The following DMTF1 variants were observed in gnomAD, a reference collection of about 807,000 sequenced individuals.
DMTF1 encodes cyclin-D-binding Myb-like transcription factor 1.
Under a neutral mutation model 91.1 loss-of-function variants are expected in DMTF1, and 39 were observed. That is an observed-to-expected ratio of 0.43 (90% confidence interval 0.33 to 0.56). The LOEUF (loss-of-function observed/expected upper bound fraction) is 0.56, where lower values mean the gene tolerates loss of function less well. DMTF1 is among the 20% of genes least tolerant of loss of function. The pLI, the probability that DMTF1 is intolerant of heterozygous loss-of-function variation, is 0.05. For missense variants in DMTF1, 750 were observed against 914.5 expected, an observed-to-expected ratio of 0.82 and a Z score of 2.32; for synonymous variants, 338 against 309.5, an observed-to-expected ratio of 1.09 and a Z score of -0.97.
At chr7:87,186,440 G>C (rs566660037) in intron 12 of DMTF1, 1 of 154,354 alleles carries the variant, frequency 6.5e-6, no homozygotes, top group Non-Finnish European at 1.4e-5. Context: ...GTAGAGATGA[G>C]GTCTTGCCAT....
chr7:87,185,065 A>C, intron 11 of DMTF1: 1 of 330,104 alleles, frequency 3.0e-6, no homozygotes, highest in South Asian at 2.5e-5. Flanking sequence ...AGTTACCTCC[A>C]CACCTCCAAA....
intron 8 of DMTF1, among the ~76,000 whole-genome samples, chr7:87,180,074 CTT>C (rs781559725): frequency 3.9e-5 from 6 of 151,956 alleles, no homozygotes; most frequent in African/African-American, 1.2e-4. Context: ...GGTCAGTGGC[CTT>C]TTTTTAAATC....
chr7:87,179,632 C>T lies in DMTF1; in HGVS notation c.607C>T (p.Leu203=), dbSNP rs761696960. The change falls in exon 8 of 18, where the codon CTG becomes TTG. Residue 203 remains leucine (L), a synonymous_variant. Coordinates refer to ENST00000331242, the MANE Select transcript of DMTF1 (RefSeq NM_001142327.2). ...TTTCTACAGGACTATAGCATGGGGT[C>T]TGAACCGGCCTTTGTTTGCAGTTTA... ...KDFYRTIAWG[L]NRPLFAVYRR... The T allele has an allele frequency of 1.9e-6, 3 of 1,581,930 alleles. No homozygotes were observed. The highest frequency in any genetic ancestry group is 2.6e-6 in the Non-Finnish European group (3 of 1,168,990).
intron 1 of DMTF1, among the ~76,000 whole-genome samples, chr7:87,158,292 A>G (rs1324570889): frequency 6.6e-6 from 1 of 152,118 alleles, no homozygotes; most frequent in African/African-American, 2.4e-5. Context: ...GATTAAAATA[A>G]TTCTAAAAGG....
intron 3 of DMTF1, 112 bp from the exon 4 acceptor site, chr7:87,166,371 C>A: frequency 9.0e-7 from 1 of 1,108,694 alleles, no homozygotes; most frequent in Admixed American, 2.7e-5. Flanking sequence ...GTTAAATGAG[C>A]AAATTGGTAA....
At chr7:87,155,369 A>T (rs1381088008) in intron 1 of DMTF1, 1 of 151,606 alleles carries the variant, frequency 6.6e-6, no homozygotes, top group Non-Finnish European at 1.5e-5. Context: ...TTAATAGTCC[A>T]TTTTTTTTCT....
At chr7:87,160,549 C>T (rs1792051476) in intron 1 of DMTF1, among the ~76,000 whole-genome samples, 1 of 151,648 alleles carries the variant, frequency 6.6e-6, no homozygotes, top group Non-Finnish European at 1.5e-5. Flanking sequence ...TGCTGGGAGC[C>T]ACCCAAAATG....
chr7:87,193,407 T>C (rs1800359990), intron 15 of DMTF1, 54 bp downstream of exon 15: 1 of 1,588,526 alleles, frequency 6.3e-7, no homozygotes, highest in Non-Finnish European at 8.6e-7. Context: ...CCAGGATTAG[T>C]TGATAAGGAC....
chr7:87,178,219 G>A (rs1796640498), intron 7 of DMTF1, among the ~76,000 whole-genome samples: 2 of 152,010 alleles, frequency 1.3e-5, no homozygotes, highest in African/African-American at 2.4e-5. Flanking sequence ...TAATTTTGAC[G>A]CTGTGTGGGA....
At chr7:87,179,907 T>C (rs768717157) in intron 8 of DMTF1, among the ~76,000 whole-genome samples, 5 of 152,236 alleles carry the variant, frequency 3.3e-5, no homozygotes, top group African/African-American at 7.2e-5. Flanking sequence ...TTATATAGGT[T>C]AGATTTAAGA....
At chr7:87,159,154 C>T (rs1461220408) in intron 1 of DMTF1, among the ~76,000 whole-genome samples, 1 of 151,972 alleles carries the variant, frequency 6.6e-6, no homozygotes, top group East Asian at 1.9e-4. Context: ...ATGGAAATGT[C>T]AGTAAGGCAT....
intron 14 of DMTF1, 187 bp from the exon 15 acceptor site, chr7:87,193,011 G>A (rs925169404): frequency 1.7e-6 from 1 of 594,566 alleles, no homozygotes; most frequent in African/African-American, 1.9e-5. Context: ...ATACACAGGA[G>A]CAAAGAGCAG....
intron 13 of DMTF1, 45 bp from the exon 14 acceptor site, chr7:87,190,900 T>C (rs1465421074): frequency 6.7e-7 from 1 of 1,498,978 alleles, no homozygotes; most frequent in African/African-American, 1.4e-5. Flanking sequence ...ACAAAACATT[T>C]ATTGTAAATT....
chr7:87,159,225 TAAG>T (rs1045956129), intron 1 of DMTF1, among the ~76,000 whole-genome samples: 1 of 152,154 alleles, frequency 6.6e-6, no homozygotes, highest in Non-Finnish European at 1.5e-5. Flanking sequence ...AAGCTATAAA[TAAG>T]GAGTGCATAA....
At chr7:87,155,842 A>G (rs1790554558) in intron 1 of DMTF1, among the ~76,000 whole-genome samples, 1 of 151,812 alleles carries the variant, frequency 6.6e-6, no homozygotes, top group Admixed American at 6.6e-5. Context: ...CATTATGAAC[A>G]GTTTAATTTT....
In DMTF1 at chr7:87,190,991, A is replaced by C; in HGVS notation, c.1458A>C (p.Leu486=). 1.2e-6 allele frequency: 2 copies of C among 1,610,346 alleles called. No homozygotes were observed. The highest frequency in any genetic ancestry group is 1.7e-6 in the Non-Finnish European group (2 of 1,177,716). Reference sequence around the variant, plus strand: ...CCGTTGACTCAGAAACAATAACACTAAACAGTGGAACACTACAGACATTTG... The same window carrying C: ...CCGTTGACTCAGAAACAATAACACTCAACAGTGGAACACTACAGACATTTG... ...PATVDSETIT[L]NSGTLQTFEI... The change falls in exon 14 of 18, where the codon CTA becomes CTC. Residue 486 remains leucine, a synonymous_variant. Coordinates refer to ENST00000331242, the MANE Select transcript of DMTF1 (RefSeq NM_001142327.2).
chr7:87,186,566 C>T (rs1390123146), intron 12 of DMTF1: 1 of 152,442 alleles, frequency 6.6e-6, no homozygotes, highest in Non-Finnish European at 1.5e-5. Flanking sequence ...ACCTTTCAGT[C>T]AACAACAGAT....
intron 1 of DMTF1, among the ~76,000 whole-genome samples, chr7:87,157,918 ATTGTT>A (rs1791194869): frequency 6.6e-6 from 1 of 151,842 alleles, no homozygotes; most frequent in African/African-American, 2.4e-5. Context: ...CAATTGTATA[ATTGTT>A]TTGTTTGGTT....
intron 8 of DMTF1, among the ~76,000 whole-genome samples, chr7:87,180,303 C>G (rs1797059114): frequency 6.6e-6 from 1 of 152,116 alleles, no homozygotes; most frequent in Non-Finnish European, 1.5e-5. Flanking sequence ...TCTTCAGCAG[C>G]CTGCTAATGA....
Sources: allele counts gnomAD v4.1 joint callset (sites outside exome capture counted in the v4.1 genomes callset), GRCh38; gene constraint gnomAD v4.1.1; transcripts MANE v1.5; gene names NCBI Gene and HGNC (gene_info 2026-07-23, HGNC 2026-07-21).